The following SP110 variants were observed in gnomAD, a reference collection of about 807,000 sequenced individuals.
SP110 encodes interferon-induced protein 41, 30kD.
In SP110, 62 loss-of-function variants were observed where a neutral mutation model predicts 92.7. The observed-to-expected ratio is 0.67, with a 90% CI of 0.55 to 0.83. SP110 has a LOEUF of 0.83. Ranked by LOEUF, SP110 falls within the 40% of genes least tolerant of loss-of-function variation. SP110 has a pLI of 0.00. For missense variants in SP110, 793 were observed against 863.9 expected (o/e 0.92, Z 1.03); for synonymous variants, 273 against 305.3 (o/e 0.89, Z 1.10).
chr2:230,172,548 G>A, intron 15 of SP110: 1 of 527,550 alleles, frequency 1.9e-6, no homozygotes, highest in Non-Finnish European at 3.4e-6. Flanking sequence ...GACAAGCCGT[G>A]CTTCCTGTCT....
Position 230,211,567 on chromosome 2 carries a change from GAA to G in SP110, c.668-16_668-15del, listed in dbSNP as rs1287750429. Reference sequence around the variant, plus strand: ...TGTCACTGGCCACTGAATGGAGGAAGAAAAAGTTTTAGATCTCAGGAACAGCA... The same window carrying G: ...TGTCACTGGCCACTGAATGGAGGAAGAAAGTTTTAGATCTCAGGAACAGCA... On this transcript the variant is annotated splice_polypyrimidine_tract_variant and intron_variant, in intron 5 of 18. Coordinates refer to ENST00000258381, the MANE Select transcript of SP110 (RefSeq NM_080424.4). The surrounding 1 kb of genome is among the most constrained non-coding windows in gnomAD (Gnocchi z 4.2). 3 of 1,539,586 alleles carry G rather than the reference GAA, an allele frequency of 1.9e-6. No homozygotes were observed. Among genetic ancestry groups the G allele is most frequent in the Non-Finnish European group, 2.7e-6 (3 of 1,112,200 alleles).
At position 230,200,874 on chromosome 2, in the gene SP110, C is replaced by G. The variant is rs758333221; in HGVS notation, c.1129+11G>C. ...GACTGTACTCTGAGACCAGCAATCT[C>G]CAAGTTTTACCTTGTGTGACCCTTC... On this transcript the variant is annotated intron_variant, in intron 10 of 18. Transcript: ENST00000258381. 1 of 1,599,642 alleles carries G rather than the reference C, an allele frequency of 6.3e-7. No homozygotes were observed. Among genetic ancestry groups the G allele is most frequent in the Non-Finnish European group, 8.6e-7 (1 of 1,166,968 alleles).
At chr2:230,183,388 TGCACAAGGGG>T (rs2042212222) in intron 12 of SP110, among the ~76,000 whole-genome samples, 174 bp downstream of exon 12, 1 of 152,184 alleles carries the variant, frequency 6.6e-6, no homozygotes, top group Non-Finnish European at 1.5e-5. Context: ...ATGGCCACCA[TGCACAAGGGG>T]GTGGGTTAGG....
intron 10 of SP110, among the ~76,000 whole-genome samples, chr2:230,199,251 T>G (rs1160862378): frequency 7.9e-6 from 1 of 127,262 alleles, no homozygotes; most frequent in African/African-American, 2.9e-5. Flanking sequence ...CTCTGTCACC[T>G]AGGCTAGAGT....
intron 15 of SP110, 30 bp downstream of exon 15, chr2:230,172,814 G>A: frequency 6.9e-7 from 1 of 1,445,012 alleles, no homozygotes; most frequent in Non-Finnish European, 9.7e-7. Context: ...TGAGTGCTGT[G>A]TGCCCGAGGC....
chr2:230,183,538 C>T (rs373570190), intron 12 of SP110, 34 bp downstream of exon 12: 52 of 1,447,660 alleles, frequency 3.6e-5, no homozygotes, highest in Non-Finnish European at 4.6e-5. Context: ...CTCTGGGGAG[C>T]CCAGTGGGGA....
At chr2:230,190,308 T>G (rs879044714) in intron 10 of SP110, among the ~76,000 whole-genome samples, 2 of 151,914 alleles carry the variant, frequency 1.3e-5, no homozygotes, top group African/African-American at 2.4e-5. Context: ...TGATCAGTGA[T>G]GTTGAGCGTT....
chr2:230,180,408 G>A (rs1372554630), intron 12 of SP110, among the ~76,000 whole-genome samples: 1 of 151,128 alleles, frequency 6.6e-6, no homozygotes, highest in African/African-American at 2.4e-5. Context: ...ATGTATACAT[G>A]AGGGGTCTGG....
upstream of SP110, among the ~76,000 whole-genome samples, chr2:230,222,114 G>A (rs899459818): frequency 3.3e-5 from 5 of 151,696 alleles, no homozygotes; most frequent in South Asian, 2.1e-4. Context: ...CCTGTAATCC[G>A]AGCTACTCGG....
chr2:230,179,699 A>G (rs771907096), intron 12 of SP110, among the ~76,000 whole-genome samples: 12 of 151,938 alleles, frequency 7.9e-5, no homozygotes, highest in Non-Finnish European at 1.5e-4. Context: ...CTTCCCTTCT[A>G]CAGTTCTCTG....
chr2:230,208,194 T>C (rs1353113569), intron 7 of SP110, 135 bp from the exon 8 acceptor site: 5 of 638,196 alleles, frequency 7.8e-6, no homozygotes, highest in Non-Finnish European at 1.4e-5. Context: ...GTGATGGTAC[T>C]TCAGGGAGTA....
intron 10 of SP110, among the ~76,000 whole-genome samples, chr2:230,196,291 A>C (rs1476745379): frequency 6.6e-6 from 1 of 152,214 alleles, no homozygotes; most frequent in Non-Finnish European, 1.5e-5. Context: ...TAAAAATAAG[A>C]AATAAACTGT....
rs199507633 is a variant in SP110, at chr2:230,211,470, C to G, written c.751G>C (p.Glu251Gln). The G allele has an allele frequency of 1.0e-5, 16 of 1,585,098 alleles. No individual in the cohort carries two copies. Among genetic ancestry groups the G allele is most frequent in the East Asian group, 2.2e-5 (1 of 44,768 alleles). ...TTTAGGTTGACCAAACCAAGATTAC[C>G]TGGCATAGAGCCCAAGGGAGAGTGG... ...MPHSPLGSMPEIRDNSPEPND... is the reference protein window; with the variant it reads ...MPHSPLGSMPQIRDNSPEPND... The change falls in exon 6 of 19, where the codon GAG (glutamate) becomes CAG (glutamine). Residue 251 changes from glutamate (E) to glutamine (Q), a missense_variant and splice_region_variant. Transcript: ENST00000258381. This position sits in a 1 kb window ranked among gnomAD's most constrained non-coding sequence, Gnocchi z 4.2.
chr2:230,208,508 A>T (rs2044123458), intron 7 of SP110, among the ~76,000 whole-genome samples: 2 of 152,186 alleles, frequency 1.3e-5, no homozygotes, highest in South Asian at 4.1e-4. Context: ...GAGAGGAGGG[A>T]GACAGATGTA....
At chr2:230,222,893 G>T (rs947175929), upstream of SP110, among the ~76,000 whole-genome samples, 1 of 137,812 alleles carries the variant, frequency 7.3e-6, no homozygotes, top group Non-Finnish European at 1.6e-5. Context: ...CATTTTTGGT[G>T]TATGGCTTTC....
intron 13 of SP110, 131 bp from the exon 14 acceptor site, chr2:230,177,811 C>T: frequency 9.4e-7 from 1 of 1,063,858 alleles, no homozygotes. Flanking sequence ...GAAGGAGTAG[C>T]AGGGGAGTCT....
At chr2:230,225,034 A>G (rs2046160024) in intron 1 of SP110, among the ~76,000 whole-genome samples, 1 of 152,178 alleles carries the variant, frequency 6.6e-6, no homozygotes, top group Non-Finnish European at 1.5e-5. Flanking sequence ...TAATACAGCT[A>G]TCCTCCTGTA....
chr2:230,209,837 A>G, intron 7 of SP110, 94 bp downstream of exon 7: 1 of 805,672 alleles, frequency 1.2e-6, no homozygotes, highest in Non-Finnish European at 2.2e-6. Flanking sequence ...GACTGTGGTC[A>G]CATAGTGGTG....
intron 7 of SP110, among the ~76,000 whole-genome samples, chr2:230,209,348 A>G (rs934602024): frequency 1.3e-5 from 2 of 152,170 alleles, no homozygotes; most frequent in African/African-American, 4.8e-5. Flanking sequence ...GTGTACCCTG[A>G]AGGCATCTAG....
Sources: allele counts gnomAD v4.1 joint callset (sites outside exome capture counted in the v4.1 genomes callset), GRCh38; gene constraint gnomAD v4.1.1; non-coding constraint Gnocchi (gnomAD v3.1); transcripts MANE v1.5; gene names NCBI Gene and HGNC (gene_info 2026-07-23, HGNC 2026-07-21).